Variants in CDCP1 observed in about 807,000 individuals in gnomAD.
The protein encoded by CDCP1 is CUB domain-containing protein 1.
A neutral mutation model predicts 60.2 loss-of-function variants in CDCP1; 29 were observed. The observed-to-expected ratio is 0.48, with a 90% CI of 0.36 to 0.66. The LOEUF is 0.66. Among genes scored for constraint, CDCP1 ranks in the 30% least tolerant of loss-of-function variants. CDCP1 has a pLI of 0.00. For synonymous variants in CDCP1, 387 were observed against 431.1 expected (o/e 0.90, Z 1.27); for missense variants, 876 against 1,074.3 (o/e 0.82, Z 2.58).
chr3:45,146,425 C>CT, upstream of CDCP1: 1 of 639,880 alleles, frequency 1.6e-6, no homozygotes, highest in Non-Finnish European at 2.5e-6. Context: ...CCCCGCCCTG[C>CT]GCAGCAGGAT....
intron 1 of CDCP1, among the ~76,000 whole-genome samples, chr3:45,126,132 T>C (rs1288791672): frequency 7.4e-6 from 1 of 136,050 alleles, no homozygotes; most frequent in Non-Finnish European, 1.5e-5. Flanking sequence ...CTTTCTTTCT[T>C]TCTTTCTTTC....
In CDCP1 at chr3:45,110,719, G is replaced by A. The variant is rs759110724; in HGVS notation, c.778C>T (p.Leu260=). ...MTWQFVVPAH[L]RASVSFLNFN... is the part of the protein sequence containing the mutation. ...TTGAGGAAGGAGACGCTGGCCCGCA[G>A]GTGTGCAGGAACGACAAACTGCCAC... The change falls in exon 4 of 9, where the codon CTG becomes TTG. Residue 260 remains leucine (L), a synonymous_variant. Coordinates refer to ENST00000296129, the MANE Select transcript of CDCP1 (RefSeq NM_022842.5). 6 of 1,614,200 alleles carry A rather than the reference G, an allele frequency of 3.7e-6. No individual in the cohort carries two copies. In the South Asian group the frequency reaches 6.6e-5, roughly 18 times the overall value.
rs1458841119 is a variant in CDCP1 at position 45,089,202 on chromosome 3, C to T, written c.1994-61G>A. The T allele has an allele frequency of 2.2e-6, 3 of 1,351,792 alleles. No homozygotes were observed. In the African/African-American group the frequency reaches 4.3e-5, roughly 19 times the overall value. The allele number at this position is 1,351,792 out of a possible 1,614,324, so 83.7% of individuals were successfully genotyped here. A position where few individuals can be genotyped will look rare whatever the true frequency, so the allele number is the denominator to read the frequency against. The stretch of plus-strand genomic sequence containing the variant: ...CAGCTGGGGTGAGCTCTGCAATGAA[C>T]TTGAGGCATCTCCAAAAGCAGCTGC... On this transcript the variant is annotated intron_variant, in intron 7 of 8. Coordinates refer to ENST00000296129, the MANE Select transcript of CDCP1 (RefSeq NM_022842.5).
Position 45,089,180 on chromosome 3 carries a change from C to T in CDCP1, c.1994-39G>A, listed in dbSNP as rs370639135. ...CATAAAGAGACAGATGAAGAGGCAG[C>T]TGGGGTGAGCTCTGCAATGAACTTG... On this transcript the variant is annotated intron_variant, in intron 7 of 8. Transcript: ENST00000296129. The T allele has an allele frequency of 2.0e-6, 3 of 1,537,672 alleles. No individual in the cohort carries two copies. The South Asian group carries it at 3.4e-5, about 17-fold the overall frequency.
At chr3:45,093,834 C>G (rs190335939) in intron 5 of CDCP1, among the ~76,000 whole-genome samples, 177 bp from the exon 6 acceptor site, 91 of 152,320 alleles carry the variant, frequency 6.0e-4, no homozygotes, top group Non-Finnish European at 1.3e-4. Flanking sequence ...CTAGCGGTCC[C>G]TCTGCTCTCT....
intron 4 of CDCP1, among the ~76,000 whole-genome samples, chr3:45,099,548 C>A (rs1171041071): frequency 2.0e-5 from 3 of 152,112 alleles, no homozygotes; most frequent in Non-Finnish European, 4.4e-5. Flanking sequence ...TCAGTCCTGG[C>A]AAATGTTCCT....
intron 4 of CDCP1, among the ~76,000 whole-genome samples, chr3:45,106,926 C>T (rs888883842): frequency 6.6e-6 from 1 of 152,152 alleles, no homozygotes; most frequent in African/African-American, 2.4e-5. Context: ...TTCTCACCTC[C>T]AAGGCTAAGA....
At chr3:45,129,896 G>A (rs1699058458) in intron 1 of CDCP1, among the ~76,000 whole-genome samples, 1 of 152,100 alleles carries the variant, frequency 6.6e-6, no homozygotes, top group South Asian at 2.1e-4. Context: ...TTTATATCAA[G>A]TTCAAGAAGA....
At chr3:45,127,547 A>G (rs1207377725) in intron 1 of CDCP1, among the ~76,000 whole-genome samples, 1 of 152,376 alleles carries the variant, frequency 6.6e-6, no homozygotes, top group South Asian at 2.1e-4. Flanking sequence ...AATGAGACTC[A>G]TGGGAAAATC....
At chr3:45,094,329 G>A (rs1031893528) in intron 5 of CDCP1, among the ~76,000 whole-genome samples, 27 of 151,814 alleles carry the variant, frequency 1.8e-4, no homozygotes, top group Non-Finnish European at 8.8e-5. Flanking sequence ...GGGTTCAGGC[G>A]ACTCTCCTGC....
At chr3:45,106,517 C>T (rs1364211930) in intron 4 of CDCP1, among the ~76,000 whole-genome samples, 1 of 152,206 alleles carries the variant, frequency 6.6e-6, no homozygotes, top group Non-Finnish European at 1.5e-5. Context: ...AAGATGCTGA[C>T]TCCTGAGATT....
intron 1 of CDCP1, among the ~76,000 whole-genome samples, chr3:45,128,872 C>T (rs1004192950): frequency 2.0e-5 from 3 of 152,180 alleles, no homozygotes; most frequent in Admixed American, 2.0e-4. Flanking sequence ...TGCCCGCCAC[C>T]ATGCCTGGCT....
At chr3:45,100,788 T>C (rs376621326) in intron 4 of CDCP1, among the ~76,000 whole-genome samples, 7 of 152,224 alleles carry the variant, frequency 4.6e-5, no homozygotes, top group African/African-American at 1.7e-4. Flanking sequence ...GATTTTCCTT[T>C]TACTTGTTCA....
chr3:45,097,607 C>A (rs1422800843), intron 4 of CDCP1, among the ~76,000 whole-genome samples: 8 of 151,936 alleles, frequency 5.3e-5, no homozygotes, highest in Non-Finnish European at 1.0e-4. Flanking sequence ...CCCATCAGCG[C>A]CGGCGAATGA....
chr3:45,122,198 C>T (rs949630604), intron 1 of CDCP1, among the ~76,000 whole-genome samples: 71 of 147,402 alleles, frequency 4.8e-4, no homozygotes, highest in African/African-American at 1.7e-3. Flanking sequence ...GGCTGGAGTG[C>T]GGTGGCGCAA....
intron 2 of CDCP1, among the ~76,000 whole-genome samples, chr3:45,115,420 CAT>C (rs1270740417): frequency 6.6e-6 from 1 of 152,154 alleles, no homozygotes; most frequent in Non-Finnish European, 1.5e-5. Flanking sequence ...TGCATGTGCA[CAT>C]GTGTGTATTT....
chr3:45,146,353 A>G lies in CDCP1; in HGVS notation c.-66T>C. The G allele has an allele frequency of 7.2e-7, 1 of 1,379,346 alleles. No individual in the cohort carries two copies. The highest frequency in any genetic ancestry group is 9.7e-7 in the Non-Finnish European group (1 of 1,025,922). The allele number at this position is 1,379,346 out of a possible 1,614,324, so 85.4% of individuals were successfully genotyped here. On this transcript the variant is annotated 5_prime_UTR_variant, in exon 1 of 9. Coordinates refer to ENST00000296129, the MANE Select transcript of CDCP1 (RefSeq NM_022842.5). ...GGGGAGCGGCGGCCCCAGGCGCCCA[A>G]GCCCGGCGCAGCTGCGCTCCGCCCT...
rs1223099064 is a variant in CDCP1, at chr3:45,095,449, T to G, written c.1144A>C (p.Thr382Pro). 6 of 1,614,070 alleles carry G rather than the reference T, an allele frequency of 3.7e-6. No homozygotes were observed. Among genetic ancestry groups the G allele is most frequent in the Non-Finnish European group, 5.1e-6 (6 of 1,180,046 alleles). Reference sequence around the variant, plus strand: ...GTCAGGGTGAGGTTGCTACTGCAGGTCCGAGATTCTAGACACACGAAACAG... The same window carrying G: ...GTCAGGGTGAGGTTGCTACTGCAGGGCCGAGATTCTAGACACACGAAACAG... The part of the protein sequence containing the change: ...PGCFVCLESR[T>P]CSSNLTLTSG... Residue 382 changes from threonine to proline, a missense_variant, in exon 5 of 9, where the codon ACC (threonine) becomes CCC (proline). Around this residue, in one of 2 missense-constraint regions of CDCP1, gnomAD observed 726 missense variants for 935.7 expected, o/e 0.78. Coordinates refer to ENST00000296129, the MANE Select transcript of CDCP1 (RefSeq NM_022842.5).
At chr3:45,103,506 C>A (rs1698516915) in intron 4 of CDCP1, among the ~76,000 whole-genome samples, 1 of 152,202 alleles carries the variant, frequency 6.6e-6, no homozygotes, top group Admixed American at 6.5e-5. Context: ...ACCTAGGTCT[C>A]ATAGGTAAGC....
Sources: gnomAD v4.1 joint callset for allele counts (sites outside exome capture counted in the v4.1 genomes callset) on GRCh38, gnomAD v4.1.1 for gene constraint, gnomAD v4.1.1 regional missense constraint, MANE v1.5 for transcripts, NCBI Gene and HGNC (gene_info 2026-07-23, HGNC 2026-07-21) for gene names.